ZNF883: variants seen among roughly 807,000 people sequenced by gnomAD.
ZNF883 encodes the protein zinc finger protein 883.
chr9:113,007,532 A>G (rs936338374), intron 2 of ZNF883, among the ~76,000 whole-genome samples: 1 of 152,228 alleles, frequency 6.6e-6, no homozygotes, highest in South Asian at 2.1e-4. Context: ...GTAATCAGCC[A>G]GGCAAAATTA....
chr9:112,991,623 A>G (rs1452209414), intron 1 of ZNF883, among the ~76,000 whole-genome samples: 5 of 152,004 alleles, frequency 3.3e-5, no homozygotes, highest in African/African-American at 1.2e-4. Context: ...AGGTGAGTTC[A>G]AGTCCTGAAT....
intron 2 of ZNF883, among the ~76,000 whole-genome samples, chr9:113,009,661 C>T (rs1055392367): frequency 6.6e-5 from 10 of 152,178 alleles, no homozygotes; most frequent in East Asian, 1.9e-4. Context: ...AGGCGTATGC[C>T]GCCACGCCCA....
At chr9:113,006,897 T>TA (rs68164885) in intron 2 of ZNF883, among the ~76,000 whole-genome samples, 15,903 of 82,226 alleles carry the variant, frequency 0.19, 1,046 homozygotes, top group African/African-American at 0.38. Flanking sequence ...TGGTAATTTT[T>TA]TAAAAAAAAA....
upstream of ZNF883, among the ~76,000 whole-genome samples, chr9:113,002,605 A>C (rs1828437183): frequency 6.6e-6 from 1 of 152,132 alleles, no homozygotes; most frequent in Non-Finnish European, 1.5e-5. Context: ...ACTATTCTAA[A>C]ATAAGTTTAT....
At chr9:113,002,927 C>G (rs1168055369), upstream of ZNF883, among the ~76,000 whole-genome samples, 1 of 152,148 alleles carries the variant, frequency 6.6e-6, no homozygotes, top group East Asian at 1.9e-4. Flanking sequence ...AACAAGGCAC[C>G]ATCCTGAAGC....
exon 1 of ZNF883, chr9:112,997,758 G>C (rs767334183): frequency 3.1e-6 from 5 of 1,613,864 alleles, no homozygotes; most frequent in Non-Finnish European, 4.2e-6. Context: ...TGTTCAATTA[G>C]GTGTGTGCTG....
chr9:113,010,279 T>C (rs533417041), intron 2 of ZNF883, among the ~76,000 whole-genome samples: 2 of 152,342 alleles, frequency 1.3e-5, no homozygotes, highest in Admixed American at 1.3e-4. Flanking sequence ...GTATATTTTA[T>C]TTGTACAAAT....
At chr9:112,995,513 CCTCT>C (rs146515279), downstream of ZNF883, among the ~76,000 whole-genome samples, 26 of 151,500 alleles carry the variant, frequency 1.7e-4, no homozygotes, top group South Asian at 1.7e-3. Flanking sequence ...TCCCTTCCTT[CCTCT>C]CTCTCTCTTT....
downstream of ZNF883, among the ~76,000 whole-genome samples, chr9:112,994,621 A>T (rs192222470): frequency 1.2e-3 from 186 of 151,742 alleles, 1 homozygote; most frequent in African/African-American, 4.2e-3. Context: ...TTATTATAAT[A>T]TTCTATATTT....
downstream of ZNF883, among the ~76,000 whole-genome samples, chr9:112,996,084 T>C (rs1255524998): frequency 6.6e-6 from 1 of 152,164 alleles, no homozygotes; most frequent in Admixed American, 6.5e-5. Flanking sequence ...TTTTTTTTCC[T>C]GTACAGATTT....
intron 2 of ZNF883, among the ~76,000 whole-genome samples, chr9:113,007,889 T>C (rs1455684512): frequency 6.6e-6 from 1 of 152,038 alleles, no homozygotes; most frequent in Non-Finnish European, 1.5e-5. Flanking sequence ...ATTATTTCTC[T>C]CCATTTAAAA....
chr9:112,993,701 G>C (rs1828323449), downstream of ZNF883, among the ~76,000 whole-genome samples: 1 of 152,206 alleles, frequency 6.6e-6, no homozygotes, highest in Non-Finnish European at 1.5e-5. Context: ...CTCCCCACAA[G>C]AGCTCAGTCT....
chr9:113,008,610 T>G (rs2118628020), intron 2 of ZNF883, among the ~76,000 whole-genome samples: 1 of 152,008 alleles, frequency 6.6e-6, no homozygotes, highest in Middle Eastern at 3.4e-3. Flanking sequence ...AGCATTTTAT[T>G]TGAATTTTTC....
At chr9:113,000,076 G>C (rs1828408539), upstream of ZNF883, among the ~76,000 whole-genome samples, 1 of 152,158 alleles carries the variant, frequency 6.6e-6, no homozygotes, top group Non-Finnish European at 1.5e-5. Flanking sequence ...AGGAAATCTG[G>C]AGGGCTTTCA....
chr9:113,003,382 T>TTA (rs1828444848), intron 2 of ZNF883, among the ~76,000 whole-genome samples: 1 of 152,166 alleles, frequency 6.6e-6, no homozygotes, highest in African/African-American at 2.4e-5. Context: ...CCTCTTTCCT[T>TTA]TATAAATTAC....
At chr9:112,996,003 T>C (rs2118605258), downstream of ZNF883, among the ~76,000 whole-genome samples, 1 of 152,310 alleles carries the variant, frequency 6.6e-6, no homozygotes, top group East Asian at 1.9e-4. Flanking sequence ...TTTGGATTTA[T>C]ATTATTCTTT....
chr9:112,992,384 T>A (rs7026270), downstream of ZNF883, among the ~76,000 whole-genome samples: 5,458 of 152,316 alleles, frequency 0.036, 327 homozygotes, highest in African/African-American at 0.12. Flanking sequence ...GGAAGTTCTT[T>A]CCTTTAAGAA....
At chr9:113,002,814 T>C (rs1828439300), upstream of ZNF883, among the ~76,000 whole-genome samples, 1 of 152,128 alleles carries the variant, frequency 6.6e-6, no homozygotes, top group Non-Finnish European at 1.5e-5. Flanking sequence ...GTCATGAGTG[T>C]AGAGCCTTCA....
At chr9:112,989,281 T>C (rs1828280479) in intron 1 of ZNF883, among the ~76,000 whole-genome samples, 1 of 152,250 alleles carries the variant, frequency 6.6e-6, no homozygotes, top group Non-Finnish European at 1.5e-5. Context: ...CTTTAATCCA[T>C]TTTGAGTTCA....
Sources: gnomAD v4.1 joint callset for allele counts (sites outside exome capture counted in the v4.1 genomes callset) on GRCh38, gnomAD v4.1.1 for gene constraint, MANE v1.5 for transcripts, NCBI Gene and HGNC (gene_info 2026-07-23, HGNC 2026-07-21) for gene names.